Variants in HEATR4 observed in about 807,000 individuals in gnomAD.
The protein encoded by HEATR4 is HEAT repeat containing 4.
A neutral mutation model predicts 108.8 loss-of-function variants in HEATR4; 95 were observed. The ratio of observed to expected loss-of-function variants is 0.87; its 90% confidence interval spans 0.74 to 1.04. The LOEUF (loss-of-function observed/expected upper bound fraction) is 1.04, where lower values mean the gene tolerates loss of function less well. HEATR4 is among the 50% of genes least tolerant of loss of function. The pLI is 0.00. For missense variants in HEATR4, 1,152 were observed against 1,253.8 expected, an observed-to-expected ratio of 0.92 and a Z score of 1.23; for synonymous variants, 443 against 459.4, an observed-to-expected ratio of 0.96 and a Z score of 0.46.
At chr14:73,505,967 T>G (rs1249722145) in intron 10 of HEATR4, among the ~76,000 whole-genome samples, 1 of 147,808 alleles carries the variant, frequency 6.8e-6, no homozygotes, top group Non-Finnish European at 1.5e-5. Context: ...CTTGGTTCAC[T>G]GCAACCTCTG....
At chr14:73,591,340 G>A in the HEATR4 span, among the ~76,000 whole-genome samples, 1 of 152,078 alleles carries the variant, frequency 6.6e-6, no homozygotes. Context: ...TTGAAGTCAG[G>A]AGTTCAAGAC....
At chr14:73,578,849 G>A in the HEATR4 span, among the ~76,000 whole-genome samples, 2 of 151,888 alleles carry the variant, frequency 1.3e-5, no homozygotes, top group African/African-American at 4.8e-5. Flanking sequence ...CACTTTGGGA[G>A]GTTATGGTGG....
At chr14:73,519,185 A>G in intron 4 of HEATR4, 22 bp from the exon 5 acceptor site, 1 of 1,605,574 alleles carries the variant, frequency 6.2e-7, no homozygotes, top group Non-Finnish European at 8.5e-7. Context: ...CAAAGAAACA[A>G]TGAGTCCCCT....
chr14:73,563,210 T>A (rs1889554880), upstream of HEATR4, among the ~76,000 whole-genome samples: 1 of 151,902 alleles, frequency 6.6e-6, no homozygotes, highest in African/African-American at 2.4e-5. Context: ...GCCGGCCGAC[T>A]CTTATAGAAA....
Position 73,550,145 on chromosome 14 carries a change from A to G in HEATR4, c.-152+8606T>C, listed in dbSNP as rs1409161180. On this transcript the variant is annotated intron_variant, in intron 1 of 17. Transcript: ENST00000553558. Reference sequence around the variant, plus strand: ...TAGTTCCCCTTCACTGCTCATAGATAACAACTGGAACATTATAAAACATTA... The same window carrying G: ...TAGTTCCCCTTCACTGCTCATAGATGACAACTGGAACATTATAAAACATTA... Among the ~76,000 whole-genome samples the G allele has an allele frequency of 1.8e-5, 2 of 113,358 alleles. 1 individual carries two copies. Among genetic ancestry groups the G allele is most frequent in the African/African-American group, 5.9e-5 (2 of 34,152 alleles). The allele number at this position is 113,358 out of a possible 152,430, so 74.4% of individuals were successfully genotyped here.
At chr14:73,501,659 G>C (rs1425149543) in intron 11 of HEATR4, among the ~76,000 whole-genome samples, 1 of 139,980 alleles carries the variant, frequency 7.1e-6, no homozygotes, top group Non-Finnish European at 1.5e-5. Context: ...TGACAGCTTT[G>C]GACTTCCTGG....
upstream of HEATR4, among the ~76,000 whole-genome samples, chr14:73,563,877 G>A (rs113097756): frequency 0.011 from 1,650 of 151,978 alleles, 28 homozygotes; most frequent in African/African-American, 0.037. Context: ...AAGATGAGGC[G>A]GTAGGGTCAC....
the HEATR4 span, chr14:73,573,513 G>A: frequency 3.7e-6 from 6 of 1,613,466 alleles, no homozygotes; most frequent in South Asian, 1.1e-5. Flanking sequence ...TAACTATGAA[G>A]ACCTCCCCAA....
Position 73,493,345 on chromosome 14 carries a change from G to C in HEATR4, c.2786-221C>G. On this transcript the variant is annotated intron_variant, in intron 16 of 17. Coordinates refer to ENST00000553558, the MANE Select transcript of HEATR4 (RefSeq NM_001220484.1). ...CGGGGTCAGTATCCTGTTTGTTATT[G>C]TTAAATTTGTATGAACCTTAGAAAA... 3 of 498,008 alleles carry C rather than the reference G, an allele frequency of 6.0e-6. No homozygotes were observed. The South Asian group carries it at 1.0e-4, about 17-fold the overall frequency. 30.8% of individuals were successfully genotyped at this position (498,008 alleles called of 1,614,324 possible).
At chr14:73,609,281 G>A in the HEATR4 span, among the ~76,000 whole-genome samples, 2 of 152,152 alleles carry the variant, frequency 1.3e-5, no homozygotes, top group African/African-American at 4.8e-5. Context: ...CTTCCTCTGT[G>A]GGTGATCTGG....
chr14:73,573,306 G>A, the HEATR4 span: 1 of 1,592,424 alleles, frequency 6.3e-7, no homozygotes, highest in Non-Finnish European at 8.6e-7. Context: ...GGTCACATGT[G>A]TGGTAAGTAT....
intron 2 of HEATR4, among the ~76,000 whole-genome samples, chr14:73,526,946 T>G (rs1260901397): frequency 1.2e-4 from 19 of 152,108 alleles, no homozygotes; most frequent in Admixed American, 1.2e-3. Context: ...GGGAGAGAGA[T>G]TCCTGACTGG....
At position 73,492,610 on chromosome 14, in the gene HEATR4, G is replaced by A. The variant is rs1323738770; in HGVS notation, c.2844+456C>T. ...TTTACGGGCTTCCAATTCGCTGGGAGGCTGGAGAACCTGTAAACGTGGGGG... is the reference window on the plus strand; with the variant it reads ...TTTACGGGCTTCCAATTCGCTGGGAAGCTGGAGAACCTGTAAACGTGGGGG... On this transcript the variant is annotated intron_variant, in intron 17 of 17. Transcript: ENST00000553558. The surrounding 1 kb of genome is among the most constrained non-coding windows in gnomAD (Gnocchi z 4.9). The A allele has an allele frequency of 1.2e-6, 2 of 1,613,954 alleles. No homozygotes were observed.
chr14:73,624,534 C>T, the HEATR4 span, among the ~76,000 whole-genome samples: 59 of 152,114 alleles, frequency 3.9e-4, no homozygotes, highest in Non-Finnish European at 6.5e-4. Context: ...TGTAGGAGGA[C>T]AAGGCTACAG....
At chr14:73,569,929 TTG>T in the HEATR4 span, 15 of 1,568,814 alleles carry the variant, frequency 9.6e-6, no homozygotes, top group East Asian at 2.3e-5. Flanking sequence ...GCCTTTCACT[TTG>T]TGTGTCTCCC....
At chr14:73,593,345 T>C in the HEATR4 span, among the ~76,000 whole-genome samples, 1 of 143,374 alleles carries the variant, frequency 7.0e-6, no homozygotes, top group Admixed American at 7.0e-5. Context: ...TCTTTTTTTT[T>C]TTTTTTTTTT....
intron 15 of HEATR4, 62 bp downstream of exon 15, chr14:73,496,539 G>A (rs1886118034): frequency 1.0e-6 from 1 of 988,950 alleles, no homozygotes; most frequent in Non-Finnish European, 1.6e-6. Flanking sequence ...AGGAGGACAG[G>A]GTCTGAGGAA....
At chr14:73,628,793 G>A in the HEATR4 span, among the ~76,000 whole-genome samples, 2 of 151,258 alleles carry the variant, frequency 1.3e-5, no homozygotes, top group African/African-American at 2.4e-5. Context: ...GGCTCATGCC[G>A]GTAATCCTAG....
intron 17 of HEATR4, among the ~76,000 whole-genome samples, chr14:73,487,526 C>G (rs1478545332): frequency 6.6e-6 from 1 of 152,166 alleles, no homozygotes; most frequent in African/African-American, 2.4e-5. Flanking sequence ...CAAGATAGCA[C>G]CACTGCACTC....
Sources: allele counts gnomAD v4.1 joint callset (sites outside exome capture counted in the v4.1 genomes callset), GRCh38; gene constraint gnomAD v4.1.1; non-coding constraint Gnocchi (gnomAD v3.1); transcripts MANE v1.5; gene names NCBI Gene and HGNC (gene_info 2026-07-23, HGNC 2026-07-21).